Variants in PHACTR2 observed in about 807,000 individuals in gnomAD.
PHACTR2 encodes the protein chromosome 6 open reading frame 56.
A neutral mutation model predicts 76.0 loss-of-function variants in PHACTR2; 30 were observed. That is an observed-to-expected ratio of 0.39 (90% CI 0.30 to 0.54). The LOEUF (loss-of-function observed/expected upper bound fraction) is 0.54. Ranked by LOEUF, PHACTR2 falls within the 20% of genes least tolerant of loss-of-function variation. The probability of loss-of-function intolerance (pLI) is 0.61; values close to 1 mark genes in which losing one functional copy is unlikely to be tolerated. For missense variants in PHACTR2, 696 were observed against 781.1 expected (o/e 0.89, Z 1.30); for synonymous variants, 292 against 292.5 (o/e 1.00, Z 0.02).
Position 143,589,967 on chromosome 6 carries a change from T to A in PHACTR2, c.217+52760T>A, listed in dbSNP as rs1775671490. 6.6e-6 allele frequency among the ~76,000 whole-genome samples: 1 copy of A among 152,164 alleles called. No homozygotes were observed. Among genetic ancestry groups the A allele is most frequent in the African/African-American group, 2.4e-5 (1 of 41,428 alleles). The stretch of plus-strand genomic sequence containing the variant: ...AACAAAACGTAACCTAACCCAGCAA[T>A]GTGTCTAAAAATATAATGATCATGC... On this transcript the variant is annotated intron_variant, in intron 1 of 11. Transcript: ENST00000367584. This position sits in a 1 kb window ranked among gnomAD's most constrained non-coding sequence, Gnocchi z 4.4.
chr6:143,566,692 C>T (rs1329103985), intron 1 of PHACTR2, among the ~76,000 whole-genome samples: 1 of 151,918 alleles, frequency 6.6e-6, no homozygotes, highest in African/African-American at 2.4e-5. Flanking sequence ...CTCTTACTAA[C>T]TCATAGTCAA....
chr6:143,776,793 A>G lies in PHACTR2; in HGVS notation c.1590-535A>G, dbSNP rs988592957. 2.0e-5 allele frequency among the ~76,000 whole-genome samples: 3 copies of G among 152,240 alleles called. No homozygotes were observed. Among genetic ancestry groups the G allele is most frequent in the African/African-American group, 7.2e-5 (3 of 41,472 alleles). The stretch of plus-strand genomic sequence containing the variant: ...CACTCCCCAGGTAGGTGAGCGATCC[A>G]GTATGGTGGGAGCATGGCTCCTTGA... On this transcript the variant is annotated intron_variant, in intron 8 of 12. Coordinates refer to ENST00000440869, the MANE Select transcript of PHACTR2 (RefSeq NM_001100164.2). This position sits in a 1 kb window ranked among gnomAD's most constrained non-coding sequence, Gnocchi z 5.3.
At chr6:143,674,706 G>C (rs533291402), upstream of PHACTR2, among the ~76,000 whole-genome samples, 5 of 152,268 alleles carry the variant, frequency 3.3e-5, no homozygotes, top group South Asian at 1.0e-3. The surrounding 1 kb of genome is among the most constrained non-coding windows in gnomAD (Gnocchi z 4.9). Flanking sequence ...ACAAGGCAGA[G>C]ACCTCCAGGA....
chr6:143,553,091 G>A lies in PHACTR2; in HGVS notation c.217+15884G>A, dbSNP rs141870437. 0.011 allele frequency among the ~76,000 whole-genome samples: 1,743 copies of A among 152,240 alleles called. 13 individuals are homozygous for A. Among genetic ancestry groups the A allele is most frequent in the Non-Finnish European group, 0.017 (1,176 of 68,016 alleles). ...TATCCCAGCCCAGAAGTGTGGCTGA[G>A]GGGCTAAAACCCATGCACCACTCTT... On this transcript the variant is annotated intron_variant, in intron 1 of 11. Transcript: ENST00000367584. The surrounding 1 kb of genome is among the most constrained non-coding windows in gnomAD (Gnocchi z 4.2).
rs528569856 is a variant in PHACTR2, at chr6:143,639,664, C to G, written c.13+31342C>G. 1.1e-4 allele frequency among the ~76,000 whole-genome samples: 17 copies of G among 152,172 alleles called. No homozygotes were observed. The highest frequency in any genetic ancestry group is 4.1e-4 in the African/African-American group (17 of 41,522). ...CATACCCCATCATGAGTAAGGATAG[C>G]GATGGTTTGAGCAAGACAGTTGACA... On this transcript the variant is annotated intron_variant, in intron 1 of 11. Coordinates refer to the PHACTR2 transcript ENST00000305766. The surrounding 1 kb of genome is among the most constrained non-coding windows in gnomAD (Gnocchi z 5.0).
chr6:143,786,825 C>A, intron 10 of PHACTR2, among the ~76,000 whole-genome samples: 1 of 152,190 alleles, frequency 6.6e-6, no homozygotes, highest in Middle Eastern at 3.2e-3. Flanking sequence ...TCAATTACCT[C>A]CCCCTGGGTC....
intron 1 of PHACTR2, among the ~76,000 whole-genome samples, chr6:143,628,922 G>GAT (rs1491456914): frequency 9.6e-6 from 1 of 104,498 alleles, no homozygotes; most frequent in Non-Finnish European, 1.8e-5. Context: ...TTAAATGCAG[G>GAT]AGATATATAT....
chr6:143,822,017 T>G lies in PHACTR2; in HGVS notation c.1923-1657T>G, dbSNP rs1161664881. ...CTCTGGAGCTCCCCCCAACCCACCC[T>G]GCAAAAAGTAGGTAGAGGAAAGGGC... is the stretch of plus-strand genomic sequence containing the variant. On this transcript the variant is annotated intron_variant, in intron 12 of 12. Coordinates refer to ENST00000440869, the MANE Select transcript of PHACTR2 (RefSeq NM_001100164.2). This position sits in a 1 kb window ranked among gnomAD's most constrained non-coding sequence, Gnocchi z 5.5. Among the ~76,000 whole-genome samples, 7 of 151,610 alleles carry G rather than the reference T, an allele frequency of 4.6e-5. No individual in the cohort carries two copies. The highest frequency in any genetic ancestry group is 4.6e-4 in the Admixed American group (7 of 15,224).
At position 143,818,790 on chromosome 6, in the gene PHACTR2, A is replaced by T. The variant is rs761430171; in HGVS notation, c.1923-4884A>T. 6.6e-6 allele frequency among the ~76,000 whole-genome samples: 1 copy of T among 152,202 alleles called. No individual in the cohort carries two copies. Among genetic ancestry groups the T allele is most frequent in the Non-Finnish European group, 1.5e-5 (1 of 68,044 alleles). ...TCGCCTGATTCAATTACCTCCCACC[A>T]GGTCCCTCCCACAACATGTGGGGAT... On this transcript the variant is annotated intron_variant, in intron 12 of 12. Coordinates refer to ENST00000440869, the MANE Select transcript of PHACTR2 (RefSeq NM_001100164.2). This position sits in a 1 kb window ranked among gnomAD's most constrained non-coding sequence, Gnocchi z 4.9.
chr6:143,698,281 T>G lies in PHACTR2; in HGVS notation c.47-13735T>G, dbSNP rs1777817518. On this transcript the variant is annotated intron_variant, in intron 1 of 12. Transcript: ENST00000440869. The surrounding 1 kb of genome is among the most constrained non-coding windows in gnomAD (Gnocchi z 4.3). ...GTCATTTTAAAGAAAGAAACCAAAA[T>G]AGAACATCTCGCAAGTGGGGCATCC... Among the ~76,000 whole-genome samples, 1 of 152,246 alleles carries G rather than the reference T, an allele frequency of 6.6e-6. No individual in the cohort carries two copies. Among genetic ancestry groups the G allele is most frequent in the Admixed American group, 6.5e-5 (1 of 15,286 alleles).
At chr6:143,712,271 C>A in intron 2 of PHACTR2, 88 bp downstream of exon 2, 4 of 874,108 alleles carry the variant, frequency 4.6e-6, no homozygotes, top group South Asian at 3.9e-5. Context: ...GTGTTTTTTC[C>A]CAGAAAAAAA....
chr6:143,777,252 C>A lies in PHACTR2; in HGVS notation c.1590-76C>A. ...ATTTCTCAAAACATGAAAAATAGAG[C>A]TTTGTTGTTTTATTCTGAGTCTCCT... On this transcript the variant is annotated intron_variant, in intron 8 of 12. Coordinates refer to ENST00000440869, the MANE Select transcript of PHACTR2 (RefSeq NM_001100164.2). This position sits in a 1 kb window ranked among gnomAD's most constrained non-coding sequence, Gnocchi z 4.6. The A allele has an allele frequency of 1.3e-6, 1 of 742,146 alleles. No homozygotes were observed. The highest frequency in any genetic ancestry group is 2.3e-6 in the Non-Finnish European group (1 of 435,254). 46.0% of individuals were successfully genotyped at this position (742,146 alleles called of 1,614,324 possible).
rs186557305 is a variant in PHACTR2, at chr6:143,757,294, G to A, written c.455-3107G>A. On this transcript the variant is annotated intron_variant, in intron 4 of 12. Coordinates refer to ENST00000440869, the MANE Select transcript of PHACTR2 (RefSeq NM_001100164.2). This position sits in a 1 kb window ranked among gnomAD's most constrained non-coding sequence, Gnocchi z 4.2. ...CCTGTGAGGAGACCAGAATGCAAACGGGCAATTGTAGTGCAAGATGCGAAG... is the reference window on the plus strand; with the variant it reads ...CCTGTGAGGAGACCAGAATGCAAACAGGCAATTGTAGTGCAAGATGCGAAG... Among the ~76,000 whole-genome samples, 2 of 152,216 alleles carry A rather than the reference G, an allele frequency of 1.3e-5. No individual in the cohort carries two copies. Among genetic ancestry groups the A allele is most frequent in the East Asian group, 1.9e-4 (1 of 5,174 alleles).
chr6:143,608,166 T>A, upstream of PHACTR2: 1 of 764,024 alleles, frequency 1.3e-6, no homozygotes, highest in African/African-American at 1.7e-5. This position sits in a 1 kb window ranked among gnomAD's most constrained non-coding sequence, Gnocchi z 4.6. Context: ...TTCCTGGCGG[T>A]GTCTCCTGCA....
intron 2 of PHACTR2, among the ~76,000 whole-genome samples, chr6:143,737,880 G>C (rs758446461): frequency 5.3e-5 from 8 of 152,178 alleles, no homozygotes; most frequent in Non-Finnish European, 1.0e-4. Context: ...TGTTGTGTAG[G>C]CAAGATGGTA....
intron 11 of PHACTR2, among the ~76,000 whole-genome samples, chr6:143,799,738 G>C (rs968071920): frequency 6.6e-6 from 1 of 152,208 alleles, no homozygotes; most frequent in Admixed American, 6.5e-5. Context: ...TTATTGCACT[G>C]TGGTCTGAGA....
upstream of PHACTR2, among the ~76,000 whole-genome samples, chr6:143,604,022 C>T (rs560029894): frequency 8.0e-5 from 12 of 149,802 alleles, no homozygotes; most frequent in South Asian, 2.1e-3. Flanking sequence ...CACTTGAACC[C>T]GGGAGGCAGA....
intron 1 of PHACTR2, among the ~76,000 whole-genome samples, chr6:143,651,161 G>C (rs564385524): frequency 1.2e-4 from 18 of 152,046 alleles, no homozygotes; most frequent in East Asian, 3.9e-4. Context: ...TGCCAGTCAG[G>C]ATAGCTATTA....
At chr6:143,609,502 A>G (rs1405457856) in intron 1 of PHACTR2, among the ~76,000 whole-genome samples, 1 of 152,174 alleles carries the variant, frequency 6.6e-6, no homozygotes, top group East Asian at 1.9e-4. Context: ...GGATGCATGT[A>G]TATGGATTAT....
Sources: allele counts gnomAD v4.1 joint callset (sites outside exome capture counted in the v4.1 genomes callset), GRCh38; gene constraint gnomAD v4.1.1; non-coding constraint Gnocchi (gnomAD v3.1); transcripts MANE v1.5; gene names NCBI Gene and HGNC (gene_info 2026-07-23, HGNC 2026-07-21).